MSMB: variants seen among roughly 807,000 people sequenced by gnomAD.
MSMB encodes the protein microseminoprotein beta, also known as beta-microseminoprotein.
In MSMB, 10 loss-of-function variants were observed where a neutral mutation model predicts 10.5. That is an observed-to-expected ratio of 0.95 (90% CI 0.59 to 1.62). The LOEUF is 1.62. Among genes scored for constraint, MSMB ranks in the 40% most tolerant of loss-of-function variants. The probability of loss-of-function intolerance (pLI) is 0.00; values close to 1 mark genes in which losing one functional copy is unlikely to be tolerated. For missense variants in MSMB, 126 were observed against 137.4 expected, an observed-to-expected ratio of 0.92 and a Z score of 0.42; for synonymous variants, 43 against 46.5, an observed-to-expected ratio of 0.93 and a Z score of 0.30.
Position 46,033,397 on chromosome 10 carries a change from G to A in MSMB, c.*25C>T. ...CAGAGGAGAATGAGGCCTGGCCTGG[G>A]AGCCCTGTGCCTACTAGAAGCACAT... On this transcript the variant is annotated 3_prime_UTR_variant, in exon 4 of 4. Coordinates refer to ENST00000582163, the MANE Select transcript of MSMB (RefSeq NM_002443.4). 1 of 1,612,112 alleles carries A rather than the reference G, an allele frequency of 6.2e-7. No individual in the cohort carries two copies. Among genetic ancestry groups the A allele is most frequent in the South Asian group, 1.1e-5 (1 of 90,954 alleles).
intron 1 of MSMB, among the ~76,000 whole-genome samples, chr10:46,041,086 G>A (rs1840738482): frequency 6.6e-6 from 1 of 152,220 alleles, no homozygotes; most frequent in Non-Finnish European, 1.5e-5. Flanking sequence ...GCTCATGCCT[G>A]TAATCCTAGC....
intron 3 of MSMB, 64 bp downstream of exon 3, chr10:46,038,902 G>T: frequency 7.2e-7 from 1 of 1,388,772 alleles, no homozygotes; most frequent in Non-Finnish European, 1.0e-6. Flanking sequence ...TTTGCAAGAC[G>T]GAGTAGCTGT....
intron 1 of MSMB, among the ~76,000 whole-genome samples, chr10:46,040,566 C>T (rs1404566994): frequency 1.3e-5 from 2 of 152,308 alleles, no homozygotes; most frequent in South Asian, 2.1e-4. Context: ...GAGAAAGTCC[C>T]CTCTGCTTTA....
chr10:46,042,584 C>CACAGAG (rs1326547141), intron 1 of MSMB, among the ~76,000 whole-genome samples: 1 of 152,152 alleles, frequency 6.6e-6, no homozygotes, highest in Non-Finnish European at 1.5e-5. Flanking sequence ...CTAAAAATGG[C>CACAGAG]ACAGAGACAG....
intron 1 of MSMB, among the ~76,000 whole-genome samples, chr10:46,041,697 G>A (rs1260281956): frequency 6.6e-6 from 1 of 151,956 alleles, no homozygotes; most frequent in South Asian, 2.1e-4. Flanking sequence ...GGGAGGCTGA[G>A]GTGGAGAATC....
At chr10:46,036,917 A>G (rs1016057397) in intron 3 of MSMB, among the ~76,000 whole-genome samples, 2 of 152,242 alleles carry the variant, frequency 1.3e-5, no homozygotes, top group Admixed American at 6.5e-5. Flanking sequence ...CCAGAGTGAC[A>G]TCAACACTTG....
At chr10:46,042,702 C>T (rs1840780022) in intron 1 of MSMB, among the ~76,000 whole-genome samples, 2 of 152,146 alleles carry the variant, frequency 1.3e-5, no homozygotes. Flanking sequence ...AGAAAAACAC[C>T]TGGTGAGCCA....
chr10:46,039,494 G>C (rs1564935684), intron 2 of MSMB, among the ~76,000 whole-genome samples: 1 of 152,116 alleles, frequency 6.6e-6, no homozygotes, highest in Non-Finnish European at 1.5e-5. Flanking sequence ...AAACATCTTG[G>C]GTACTTGAAA....
intron 2 of MSMB, 67 bp from the exon 3 acceptor site, chr10:46,039,138 G>A: frequency 7.4e-7 from 1 of 1,349,370 alleles, no homozygotes. Context: ...TCAGGACATT[G>A]AGTCCTGCCC....
At chr10:46,039,611 G>A (rs1262124268) in intron 2 of MSMB, among the ~76,000 whole-genome samples, 1 of 152,240 alleles carries the variant, frequency 6.6e-6, no homozygotes, top group Non-Finnish European at 1.5e-5. Context: ...GCCAGGCACA[G>A]TGGCTCACAC....
intron 1 of MSMB, among the ~76,000 whole-genome samples, chr10:46,044,575 G>GAAAAAAAAAAAA (rs56061175): frequency 6.5e-4 from 25 of 38,526 alleles, no homozygotes; most frequent in East Asian, 4.3e-3. Flanking sequence ...CTCCGTCTCA[G>GAAAAAAAAAAAA]AAAAAAAAAA....
At chr10:46,036,573 T>C (rs1487943048) in intron 3 of MSMB, among the ~76,000 whole-genome samples, 2 of 152,168 alleles carry the variant, frequency 1.3e-5, no homozygotes, top group East Asian at 3.9e-4. Flanking sequence ...TTAATTATCA[T>C]AGCCACATAA....
At chr10:46,044,324 C>T (rs544896909) in intron 1 of MSMB, among the ~76,000 whole-genome samples, 1 of 151,800 alleles carries the variant, frequency 6.6e-6, no homozygotes, top group Non-Finnish European at 1.5e-5. Flanking sequence ...CGCCTGTAAT[C>T]CCAGCACTTT....
At chr10:46,039,750 C>T (rs1840699856) in intron 2 of MSMB, among the ~76,000 whole-genome samples, 1 of 152,188 alleles carries the variant, frequency 6.6e-6, no homozygotes, top group Admixed American at 6.5e-5. Flanking sequence ...GGCATGATGG[C>T]ACACACCTGT....
intron 3 of MSMB, among the ~76,000 whole-genome samples, chr10:46,034,535 T>C (rs1412192505): frequency 6.6e-6 from 1 of 150,644 alleles, no homozygotes; most frequent in Non-Finnish European, 1.5e-5. Flanking sequence ...CATAAAGAAA[T>C]GATGATAGGG....
At chr10:46,044,575 G>GA (rs56061175) in intron 1 of MSMB, among the ~76,000 whole-genome samples, 10,094 of 38,408 alleles carry the variant, frequency 0.26, 2,757 homozygotes, top group Non-Finnish European at 0.42. Context: ...CTCCGTCTCA[G>GA]AAAAAAAAAA....
At chr10:46,046,188 A>ATTCTCTTTTGC in intron 1 of MSMB, 47 bp downstream of exon 1, 1 of 1,577,700 alleles carries the variant, frequency 6.3e-7, no homozygotes, top group Non-Finnish European at 8.7e-7. Flanking sequence ...AGGAATACAT[A>ATTCTCTTTTGC]TTCTCTTTTG....
chr10:46,043,094 A>G (rs1328572934), intron 1 of MSMB, among the ~76,000 whole-genome samples: 1 of 152,136 alleles, frequency 6.6e-6, no homozygotes, highest in Non-Finnish European at 1.5e-5. Context: ...CCAAAAAGCC[A>G]GCCTTGTTGA....
At position 46,042,473 on chromosome 10, in the gene MSMB, C is replaced by T. The variant is rs80133794; in HGVS notation, c.4-2382G>A. 2.3e-3 allele frequency among the ~76,000 whole-genome samples: 355 copies of T among 152,264 alleles called. 3 individuals are homozygous for T. The highest frequency in any genetic ancestry group is 8.0e-3 in the African/African-American group (334 of 41,546). ...AGGTGATATGCACAAGAATGACTTACTTTGAACAATCGTTAAGGAGAACAA... is the reference window on the plus strand; with the variant it reads ...AGGTGATATGCACAAGAATGACTTATTTTGAACAATCGTTAAGGAGAACAA... On this transcript the variant is annotated intron_variant, in intron 1 of 3. Coordinates refer to ENST00000582163, the MANE Select transcript of MSMB (RefSeq NM_002443.4).
Sources: allele counts gnomAD v4.1 joint callset (sites outside exome capture counted in the v4.1 genomes callset), GRCh38; gene constraint gnomAD v4.1.1; transcripts MANE v1.5; gene names NCBI Gene and HGNC (gene_info 2026-07-23, HGNC 2026-07-21).